SRGAP3: variants seen among roughly 807,000 people sequenced by gnomAD.
The protein encoded by SRGAP3 is SLIT-ROBO Rho GTPase activating protein 3, also known as SLIT-ROBO Rho GTPase-activating protein 3.
SRGAP3 carries 39 observed loss-of-function variants against 121.1 expected under a neutral mutation model. The observed-to-expected ratio is 0.32, with a 90% CI of 0.25 to 0.42. The LOEUF is 0.42. Among genes scored for constraint, SRGAP3 ranks in the 10% least tolerant of loss-of-function variants. The pLI is 1.00. For synonymous variants in SRGAP3, 601 were observed against 570.0 expected, an observed-to-expected ratio of 1.05 and a Z score of -0.77; for missense variants, 1,213 against 1,470.6, an observed-to-expected ratio of 0.82 and a Z score of 2.86.
intron 3 of SRGAP3, among the ~76,000 whole-genome samples, chr3:9,278,045 C>A (rs1954615226): frequency 6.6e-6 from 1 of 152,194 alleles, no homozygotes; most frequent in Non-Finnish European, 1.5e-5. Context: ...ACGGAATCTG[C>A]AGGCATCTTG....
At chr3:9,039,796 A>T (rs1306069486) in intron 10 of SRGAP3, among the ~76,000 whole-genome samples, 2 of 152,244 alleles carry the variant, frequency 1.3e-5, no homozygotes, top group Non-Finnish European at 2.9e-5. Flanking sequence ...GTCTATCCAT[A>T]TAGTACGGTT....
At chr3:9,104,247 A>C (rs1473905867) in intron 3 of SRGAP3, among the ~76,000 whole-genome samples, 1 of 152,208 alleles carries the variant, frequency 6.6e-6, no homozygotes, top group Non-Finnish European at 1.5e-5. Flanking sequence ...GCATGTGTAC[A>C]CTAGAAAATA....
At chr3:9,028,085 CT>C (rs1559948823) in intron 12 of SRGAP3, 7 of 1,614,024 alleles carry the variant, frequency 4.3e-6, no homozygotes, top group Admixed American at 1.7e-5. Context: ...GCTAATGGGC[CT>C]TTCTAGTAAA....
intron 1 of SRGAP3, among the ~76,000 whole-genome samples, chr3:9,238,080 C>T (rs1953479807): frequency 6.6e-6 from 1 of 152,140 alleles, no homozygotes; most frequent in African/African-American, 2.4e-5. Context: ...TGCTAAACAT[C>T]CTATGTTATA....
At chr3:9,155,807 T>C (rs1472534586) in intron 1 of SRGAP3, among the ~76,000 whole-genome samples, 1 of 152,230 alleles carries the variant, frequency 6.6e-6, no homozygotes, top group Admixed American at 6.5e-5. Context: ...TATTCTTTTT[T>C]ATAGATGCTA....
intron 10 of SRGAP3, among the ~76,000 whole-genome samples, chr3:9,043,893 T>G (rs1945133352): frequency 6.6e-6 from 1 of 152,102 alleles, no homozygotes; most frequent in Non-Finnish European, 1.5e-5. Flanking sequence ...ATCTTGAGTG[T>G]AAACCCTGGA....
chr3:9,194,102 A>C (rs1951848286), intron 1 of SRGAP3: 1 of 152,254 alleles, frequency 6.6e-6, no homozygotes, highest in African/African-American at 2.4e-5. Flanking sequence ...CAGAAGAAAG[A>C]GAACTGAGAC....
intron 1 of SRGAP3, among the ~76,000 whole-genome samples, chr3:9,154,265 C>T (rs544035859): frequency 3.9e-5 from 6 of 152,106 alleles, no homozygotes; most frequent in Non-Finnish European, 8.8e-5. Context: ...CATTCTCACC[C>T]TCATCACCAA....
intron 20 of SRGAP3, among the ~76,000 whole-genome samples, chr3:8,991,292 G>A (rs1389522329): frequency 6.6e-6 from 1 of 152,170 alleles, no homozygotes; most frequent in Non-Finnish European, 1.5e-5. Context: ...CACCCTGCAA[G>A]CACAGTTGGG....
chr3:9,154,409 T>C (rs1439467778), intron 1 of SRGAP3, among the ~76,000 whole-genome samples: 1 of 151,938 alleles, frequency 6.6e-6, no homozygotes, highest in Non-Finnish European at 1.5e-5. Context: ...CTCAAATATC[T>C]CAGCCCCAGT....
At chr3:9,228,980 T>G (rs1045770935) in intron 1 of SRGAP3, among the ~76,000 whole-genome samples, 40 of 146,988 alleles carry the variant, frequency 2.7e-4, no homozygotes, top group African/African-American at 9.8e-4. Flanking sequence ...GAGAATGGCG[T>G]GAACCCGGGA....
chr3:9,168,318 T>C (rs1450366978), intron 1 of SRGAP3, among the ~76,000 whole-genome samples: 2 of 152,206 alleles, frequency 1.3e-5, no homozygotes, highest in Admixed American at 6.5e-5. Flanking sequence ...AGCCCAACCA[T>C]CGTCTCTGCT....
intron 1 of SRGAP3, among the ~76,000 whole-genome samples, chr3:9,145,993 C>T (rs961613925): frequency 2.0e-5 from 3 of 152,162 alleles, no homozygotes; most frequent in African/African-American, 7.2e-5. Flanking sequence ...TCCTTGTAGC[C>T]ATATGGTGAA....
chr3:9,021,082 C>T (rs947451287), intron 14 of SRGAP3, among the ~76,000 whole-genome samples: 6 of 152,356 alleles, frequency 3.9e-5, no homozygotes, highest in African/African-American at 7.2e-5. Context: ...CACAGGTCCT[C>T]GAGCCCCTCG....
chr3:9,131,785 TC>T lies in SRGAP3; in HGVS notation c.68-6869del, dbSNP rs1949458049. ...ATCCAGGTCTCCTAAAGCACCAATCTCCCTGTGTCACCCTCCTGATAAAATT... is the reference window on the plus strand; with the variant it reads ...ATCCAGGTCTCCTAAAGCACCAATCTCCTGTGTCACCCTCCTGATAAAATT... On this transcript the variant is annotated intron_variant, in intron 1 of 21. Coordinates refer to ENST00000383836, the MANE Select transcript of SRGAP3 (RefSeq NM_014850.4). Among the ~76,000 whole-genome samples the T allele has an allele frequency of 2.0e-5, 3 of 151,870 alleles. No individual in the cohort carries two copies. The Admixed American group carries it at 2.0e-4, about 10-fold the overall frequency.
At chr3:9,224,698 C>T (rs1385835740) in intron 1 of SRGAP3, among the ~76,000 whole-genome samples, 6 of 152,188 alleles carry the variant, frequency 3.9e-5, no homozygotes, top group Non-Finnish European at 8.8e-5. Flanking sequence ...AAACACGAAA[C>T]TGCCACCAGA....
At chr3:9,121,787 G>A (rs930826021) in intron 2 of SRGAP3, among the ~76,000 whole-genome samples, 10 of 152,216 alleles carry the variant, frequency 6.6e-5, no homozygotes, top group African/African-American at 2.2e-4. Context: ...CTAATCAAGG[G>A]GAAGGAGCGG....
At chr3:9,067,727 G>A (rs1427568750) in intron 4 of SRGAP3, among the ~76,000 whole-genome samples, 1 of 152,180 alleles carries the variant, frequency 6.6e-6, no homozygotes, top group African/African-American at 2.4e-5. Flanking sequence ...GCCTATAGGT[G>A]CAGCAAACCA....
intron 3 of SRGAP3, among the ~76,000 whole-genome samples, chr3:9,103,810 G>A (rs1175633484): frequency 6.6e-6 from 1 of 152,194 alleles, no homozygotes; most frequent in Non-Finnish European, 1.5e-5. Context: ...TACATGCCAG[G>A]CACTGTGCAA....
Sources: allele counts gnomAD v4.1 joint callset (sites outside exome capture counted in the v4.1 genomes callset), GRCh38; gene constraint gnomAD v4.1.1; transcripts MANE v1.5; gene names NCBI Gene and HGNC (gene_info 2026-07-23, HGNC 2026-07-21).